The following TMEM260 variants were observed in gnomAD, a reference collection of about 807,000 sequenced individuals.
TMEM260 encodes the protein transmembrane protein 260.
In TMEM260, 82 loss-of-function variants were observed where a neutral mutation model predicts 88.9. The observed-to-expected ratio is 0.92, with a 90% CI of 0.77 to 1.11. TMEM260 has a LOEUF of 1.11. Among genes scored for constraint, TMEM260 ranks in the 50% least tolerant of loss-of-function variants. The pLI is 0.00. For missense variants in TMEM260, 902 were observed against 853.4 expected, an observed-to-expected ratio of 1.06 and a Z score of -0.71; for synonymous variants, 314 against 309.3, an observed-to-expected ratio of 1.02 and a Z score of -0.16.
chr14:56,635,664 A>T (rs1359162093), intron 14 of TMEM260, among the ~76,000 whole-genome samples: 1 of 152,192 alleles, frequency 6.6e-6, no homozygotes, highest in Non-Finnish European at 1.5e-5. Context: ...AAAAGTCCTA[A>T]GTAGTGCAGA....
At chr14:56,588,945 T>C (rs1885683916) in intron 3 of TMEM260, among the ~76,000 whole-genome samples, 1 of 152,074 alleles carries the variant, frequency 6.6e-6, no homozygotes, top group African/African-American at 2.4e-5. Context: ...CCCTATTCTA[T>C]TTGAAATTCA....
Position 56,600,652 on chromosome 14 carries a change from A to G in TMEM260, c.345-3163A>G, listed in dbSNP as rs567233398. Among the ~76,000 whole-genome samples, 43 of 152,296 alleles carry G rather than the reference A, an allele frequency of 2.8e-4. No homozygotes were observed. In the South Asian group the frequency reaches 8.3e-3, roughly 29 times the overall value. ...GAGATGCCACTTCACACTGACTAGG[A>G]TGGCTAGAATTAAAAAGCTAAATAG... On this transcript the variant is annotated intron_variant, in intron 3 of 15. Coordinates refer to ENST00000261556, the MANE Select transcript of TMEM260 (RefSeq NM_017799.4).
intron 1 of TMEM260, 148 bp from the exon 2 acceptor site, chr14:56,584,853 C>T: frequency 3.3e-6 from 2 of 607,856 alleles, no homozygotes; most frequent in South Asian, 4.6e-5. Context: ...TATTCTTAGA[C>T]TATTTCATGC....
At position 56,642,882 on chromosome 14, in the gene TMEM260, G is replaced by A. The variant is rs540188909; in HGVS notation, c.1870-4361G>A. Among the ~76,000 whole-genome samples the A allele has an allele frequency of 1.7e-4, 26 of 152,088 alleles. No homozygotes were observed. The East Asian group carries it at 3.5e-3, about 20-fold the overall frequency. Reference sequence around the variant, plus strand: ...TACCATCAGAGACTACTATAAACACGTCTATGCAAATAAACTAGAAACTAA... The same window carrying A: ...TACCATCAGAGACTACTATAAACACATCTATGCAAATAAACTAGAAACTAA... On this transcript the variant is annotated intron_variant, in intron 15 of 15. Transcript: ENST00000261556.
intron 15 of TMEM260, among the ~76,000 whole-genome samples, chr14:56,639,183 T>C (rs1050462783): frequency 3.9e-5 from 6 of 152,004 alleles, no homozygotes; most frequent in Non-Finnish European, 8.8e-5. Context: ...GGTTAATAGG[T>C]ACAAAAATAT....
At chr14:56,585,655 C>G (rs1276400396) in intron 2 of TMEM260, 106 bp from the exon 3 acceptor site, 2 of 1,069,122 alleles carry the variant, frequency 1.9e-6, no homozygotes, top group South Asian at 1.6e-5. Flanking sequence ...TCATTGGTGC[C>G]TAATCTTTAT....
the TMEM260 span, among the ~76,000 whole-genome samples, chr14:56,661,566 GGGAA>G: frequency 1.3e-5 from 2 of 150,016 alleles, no homozygotes; most frequent in Non-Finnish European, 3.0e-5. Context: ...GAGGGAAAGA[GGGAA>G]GGGAGGAAGG....
In TMEM260 at chr14:56,646,961, T is replaced by C. The variant is rs551960908; in HGVS notation, c.1870-282T>C. 2.0e-5 allele frequency among the ~76,000 whole-genome samples: 3 copies of C among 152,296 alleles called. No individual in the cohort carries two copies. The South Asian group carries it at 6.2e-4, about 32-fold the overall frequency. ...CTAAATCCCTTCCCCAGAACATCTT[T>C]CTGGAGGAAGAGCATTTTGTCCTAA... On this transcript the variant is annotated intron_variant, in intron 15 of 15. Coordinates refer to ENST00000261556, the MANE Select transcript of TMEM260 (RefSeq NM_017799.4).
chr14:56,609,022 T>A, intron 5 of TMEM260, 84 bp from the exon 6 acceptor site: 1 of 1,355,240 alleles, frequency 7.4e-7, no homozygotes, highest in Non-Finnish European at 1.0e-6. Flanking sequence ...ACATATTTGA[T>A]GTTTTCCTTG....
chr14:56,625,344 TATTAA>T (rs780996907), intron 11 of TMEM260, 33 bp from the exon 12 acceptor site: 1 of 1,597,178 alleles, frequency 6.3e-7, no homozygotes, highest in Non-Finnish European at 8.5e-7. Context: ...CTAAGAAATA[TATTAA>T]AAGTCTGACA....
At chr14:56,622,992 T>C (rs773655293) in intron 11 of TMEM260, among the ~76,000 whole-genome samples, 1 of 152,222 alleles carries the variant, frequency 6.6e-6, no homozygotes, top group Non-Finnish European at 1.5e-5. Context: ...CTGTTTAGAA[T>C]GTCAGCTCCT....
chr14:56,613,521 C>G (rs1171880448), intron 7 of TMEM260: 1 of 152,056 alleles, frequency 6.6e-6, no homozygotes, highest in African/African-American at 2.4e-5. Flanking sequence ...CTATATTTTT[C>G]TAATATTTTT....
rs1421949011 is a variant in TMEM260, at chr14:56,618,772, T to C, written c.1226+9T>C. Reference sequence around the variant, plus strand: ...ATATATTCTAATTACAGGTAATACATGGTTATTTTTATGAAAAGTAGCTGT... The same window carrying C: ...ATATATTCTAATTACAGGTAATACACGGTTATTTTTATGAAAAGTAGCTGT... On this transcript the variant is annotated intron_variant, in intron 10 of 15. Transcript: ENST00000261556. The C allele has an allele frequency of 1.9e-6, 3 of 1,610,852 alleles. No individual in the cohort carries two copies. Among genetic ancestry groups the C allele is most frequent in the African/African-American group, 2.7e-5 (2 of 74,760 alleles).
chr14:56,595,702 A>G (rs1414033906), intron 3 of TMEM260, among the ~76,000 whole-genome samples: 17 of 152,208 alleles, frequency 1.1e-4, no homozygotes, highest in African/African-American at 3.9e-4. Context: ...TGCCCAGGCT[A>G]GTTATGAACC....
chr14:56,635,043 G>A (rs1419258324), intron 14 of TMEM260, 91 bp downstream of exon 14: 9 of 1,086,566 alleles, frequency 8.3e-6, no homozygotes, highest in Non-Finnish European at 1.1e-5. Flanking sequence ...GTAGGGGTGA[G>A]TAGTGATAAT....
rs569829149 is a variant in TMEM260 at position 56,616,182 on chromosome 14, T to C, written c.941+155T>C. 9 of 553,398 alleles carry C rather than the reference T, an allele frequency of 1.6e-5. No individual in the cohort carries two copies. The South Asian group carries it at 2.4e-4, about 15-fold the overall frequency. 34.3% of individuals were successfully genotyped at this position (553,398 alleles called of 1,614,324 possible). The stretch of plus-strand genomic sequence containing the variant: ...ATTAAGATAAACGTGTATTGCTTTC[T>C]TCTATTCTGATTCTAAATAAATCAA... On this transcript the variant is annotated intron_variant, in intron 8 of 15. Transcript: ENST00000261556.
chr14:56,596,795 A>AAAATG (rs1555334865), intron 3 of TMEM260, among the ~76,000 whole-genome samples: 8,889 of 106,198 alleles, frequency 0.084, 361 homozygotes, highest in African/African-American at 0.28. Context: ...AAAAAAAAAA[A>AAAATG]TATATATATA....
downstream of TMEM260, among the ~76,000 whole-genome samples, chr14:56,653,542 T>C (rs1191148406): frequency 6.6e-6 from 1 of 151,924 alleles, no homozygotes; most frequent in African/African-American, 2.4e-5. Flanking sequence ...GAGACCAGCC[T>C]GGGCAACATG....
downstream of TMEM260, among the ~76,000 whole-genome samples, chr14:56,650,824 G>T (rs1594911669): frequency 6.6e-6 from 1 of 151,980 alleles, no homozygotes; most frequent in East Asian, 1.9e-4. Context: ...ATATCCCTCA[G>T]AATTTTTAAA....
Sources: allele counts gnomAD v4.1 joint callset (sites outside exome capture counted in the v4.1 genomes callset), GRCh38; gene constraint gnomAD v4.1.1; transcripts MANE v1.5; gene names NCBI Gene and HGNC (gene_info 2026-07-23, HGNC 2026-07-21).